ACOT12: variants seen among roughly 807,000 people sequenced by gnomAD.
ACOT12 encodes acyl-CoA thioesterase 12.
ACOT12 carries 51 observed loss-of-function variants against 67.7 expected under a neutral mutation model. That is an observed-to-expected ratio of 0.75 (90% CI 0.60 to 0.95). The LOEUF (loss-of-function observed/expected upper bound fraction) is 0.95. Ranked by LOEUF, ACOT12 falls within the 40% of genes least tolerant of loss-of-function variation. The pLI, the probability that ACOT12 is intolerant of heterozygous loss-of-function variation, is 0.00. For missense variants in ACOT12, 734 were observed against 708.1 expected (o/e 1.04, Z -0.41); for synonymous variants, 251 against 244.6 (o/e 1.03, Z -0.24).
At chr5:81,381,068 C>G (rs866286578) in intron 2 of ACOT12, among the ~76,000 whole-genome samples, 1 of 142,318 alleles carries the variant, frequency 7.0e-6, no homozygotes, top group Non-Finnish European at 1.6e-5. Context: ...GTATTAAAAC[C>G]TTTTTTTTTT....
At chr5:81,352,139 C>A (rs1037541964) in intron 5 of ACOT12, among the ~76,000 whole-genome samples, 3 of 152,144 alleles carry the variant, frequency 2.0e-5, no homozygotes, top group Admixed American at 2.0e-4. Context: ...AAAAGGGAAC[C>A]TTCATACACT....
At position 81,342,575 on chromosome 5, in the gene ACOT12, C is replaced by T. The variant is rs190398015; in HGVS notation, c.1128+97G>A. On this transcript the variant is annotated intron_variant, in intron 11 of 14. Transcript: ENST00000307624. Reference sequence around the variant, plus strand: ...CAGTTTCCTCAAAAGATTTTGTTACCTTCTTAAAAGCCTCAGTAGAAGCAG... The same window carrying T: ...CAGTTTCCTCAAAAGATTTTGTTACTTTCTTAAAAGCCTCAGTAGAAGCAG... 3.7e-5 allele frequency: 45 copies of T among 1,223,698 alleles called. No homozygotes were observed. In the African/African-American group the frequency reaches 6.1e-4, roughly 17 times the overall value. 75.8% of individuals were successfully genotyped at this position (1,223,698 alleles called of 1,614,324 possible).
chr5:81,323,518 T>C, the ACOT12 span, among the ~76,000 whole-genome samples: 1 of 152,208 alleles, frequency 6.6e-6, no homozygotes, highest in African/African-American at 2.4e-5. Flanking sequence ...AGCCTTTGAT[T>C]GCATGATGTC....
intron 13 of ACOT12, 121 bp downstream of exon 13, chr5:81,332,356 T>C: frequency 8.7e-7 from 1 of 1,144,128 alleles, no homozygotes; most frequent in Non-Finnish European, 1.2e-6. Context: ...TAGGTATAAT[T>C]CAAATAAACA....
intron 11 of ACOT12, among the ~76,000 whole-genome samples, chr5:81,341,745 G>C (rs1239182627): frequency 6.6e-6 from 1 of 152,138 alleles, no homozygotes; most frequent in African/African-American, 2.4e-5. Flanking sequence ...TCTGAAAATA[G>C]ATAAAATTAT....
At chr5:81,368,281 G>A (rs187193841) in intron 3 of ACOT12, among the ~76,000 whole-genome samples, 1 of 152,130 alleles carries the variant, frequency 6.6e-6, no homozygotes, top group African/African-American at 2.4e-5. Context: ...GACAGTTCAA[G>A]ACTCCATCTC....
chr5:81,332,231 G>A (rs943326965), intron 13 of ACOT12, among the ~76,000 whole-genome samples: 2 of 152,304 alleles, frequency 1.3e-5, no homozygotes, highest in Admixed American at 6.5e-5. Context: ...CTGAATACCA[G>A]TTTTACATTT....
At chr5:81,382,177 T>G (rs1760601843) in intron 2 of ACOT12, among the ~76,000 whole-genome samples, 2 of 152,212 alleles carry the variant, frequency 1.3e-5, no homozygotes, top group African/African-American at 4.8e-5. Flanking sequence ...GTTTATTAAT[T>G]TAAATGCTTT....
At position 81,330,458 on chromosome 5, in the gene ACOT12, G is replaced by T; in HGVS notation, c.1604C>A (p.Thr535Lys). 6.2e-7 allele frequency: 1 copy of T among 1,614,122 alleles called. No homozygotes were observed. Among genetic ancestry groups the T allele is most frequent in the Non-Finnish European group, 8.5e-7 (1 of 1,179,992 alleles). Residue 535 changes from threonine (T) to lysine (K), a missense_variant, in exon 15 of 15, where the codon ACA becomes AAA. Thr to Lys is a moderately conservative substitution (Grantham distance 78). Coordinates refer to ENST00000307624, the MANE Select transcript of ACOT12 (RefSeq NM_130767.3). ...LGGWSKSIEE[T>K]AASCIQFLEN... ...TAAGAACTGTATACAAGAGGCTGCT[G>T]TTTCTTCAATGGATTTTGACCAGCC... is the stretch of plus-strand genomic sequence containing the variant.
At chr5:81,311,138 T>C in the ACOT12 span, 1 of 1,492,016 alleles carries the variant, frequency 6.7e-7, no homozygotes, top group Non-Finnish European at 9.4e-7. Flanking sequence ...CAGTAAGATG[T>C]GAAAGTGCTT....
chr5:81,353,999 CT>C (rs1371811215), intron 5 of ACOT12, among the ~76,000 whole-genome samples: 1 of 152,178 alleles, frequency 6.6e-6, no homozygotes, highest in Non-Finnish European at 1.5e-5. Context: ...TACACAGCGG[CT>C]TTAAATGTCA....
chr5:81,370,949 C>T (rs1217664587), intron 3 of ACOT12, among the ~76,000 whole-genome samples: 1 of 152,108 alleles, frequency 6.6e-6, no homozygotes, highest in Admixed American at 6.5e-5. Flanking sequence ...CCAGTATTCA[C>T]AATGGTAGAG....
downstream of ACOT12, among the ~76,000 whole-genome samples, chr5:81,327,171 G>A (rs368457774): frequency 4.9e-5 from 7 of 142,712 alleles, no homozygotes; most frequent in Non-Finnish European, 1.0e-4. Flanking sequence ...ATATATATGT[G>A]TATATATATA....
intron 1 of ACOT12, among the ~76,000 whole-genome samples, chr5:81,391,311 C>T (rs575298808): frequency 6.6e-6 from 1 of 152,212 alleles, no homozygotes; most frequent in African/African-American, 2.4e-5. Flanking sequence ...AACCAGCAAG[C>T]CTGTGGGTTT....
At position 81,330,118 on chromosome 5, in the gene ACOT12, C is replaced by T. The variant is rs923986356; in HGVS notation, c.*276G>A. ...ACTAAATTCATGCCATTTTATAGAACACATAGTACTGCATACAGGCAATTT... is the reference window on the plus strand; with the variant it reads ...ACTAAATTCATGCCATTTTATAGAATACATAGTACTGCATACAGGCAATTT... On this transcript the variant is annotated 3_prime_UTR_variant, in exon 15 of 15. Transcript: ENST00000307624. The T allele has an allele frequency of 1.6e-5, 4 of 256,628 alleles. No homozygotes were observed. Among genetic ancestry groups the T allele is most frequent in the Admixed American group, 5.2e-5 (1 of 19,310 alleles). 15.9% of individuals were successfully genotyped at this position (256,628 alleles called of 1,614,324 possible). A position where few individuals can be genotyped will look rare whatever the true frequency, so the allele number is the denominator to read the frequency against.
rs139066134 is a variant in ACOT12 at position 81,352,696 on chromosome 5, G to A, written c.497-4766C>T. On this transcript the variant is annotated intron_variant, in intron 5 of 14. Transcript: ENST00000307624. ...ACCTAGTGTTTGACAGCACAACAGG[G>A]TGACTACAGTCAATAATAATTTAAT... Among the ~76,000 whole-genome samples, 577 of 152,202 alleles carry A rather than the reference G, an allele frequency of 3.8e-3. 2 individuals are homozygous for A. Among genetic ancestry groups the A allele is most frequent in the African/African-American group, 0.013 (528 of 41,524 alleles).
Position 81,332,513 on chromosome 5 carries a change from AC to A in ACOT12, c.1354del (p.Val452Ter). The stretch of plus-strand genomic sequence containing the variant: ...GGGTTTTCTTCGTGATACGAGTACT[AC>A]CAAGTCTTTGGGTTTGTCATCATTC... ...ILNDDKPKDL[V>X]VLVSRRKPLK... On this transcript the variant is annotated frameshift_variant, in exon 13 of 15. Coordinates refer to ENST00000307624, the MANE Select transcript of ACOT12 (RefSeq NM_130767.3). LOFTEE classifies it high-confidence loss of function. 1 of 1,614,084 alleles carries A rather than the reference AC, an allele frequency of 6.2e-7. No individual in the cohort carries two copies. Among genetic ancestry groups the A allele is most frequent in the Non-Finnish European group, 8.5e-7 (1 of 1,179,996 alleles).
chr5:81,385,928 A>G (rs1308963119), intron 1 of ACOT12, 102 bp from the exon 2 acceptor site: 2 of 1,068,566 alleles, frequency 1.9e-6, no homozygotes, highest in Non-Finnish European at 1.4e-6. Flanking sequence ...TTAGTCACCC[A>G]TCCCTCATTC....
At chr5:81,327,545 A>G (rs1758704526), downstream of ACOT12, among the ~76,000 whole-genome samples, 1 of 152,132 alleles carries the variant, frequency 6.6e-6, no homozygotes, top group Non-Finnish European at 1.5e-5. Context: ...GGTTCAAGCA[A>G]TTCTCCTGCC....
Sources: gnomAD v4.1 joint callset for allele counts (sites outside exome capture counted in the v4.1 genomes callset) on GRCh38, gnomAD v4.1.1 for gene constraint, MANE v1.5 for transcripts, NCBI Gene and HGNC (gene_info 2026-07-23, HGNC 2026-07-21) for gene names.